Variants in SMOC2 observed in about 807,000 individuals in gnomAD.
SMOC2 encodes the protein SPARC-related modular calcium-binding protein 2.
In SMOC2, 39 loss-of-function variants were observed where a neutral mutation model predicts 61.4. The ratio of observed to expected loss-of-function variants is 0.64; its 90% CI spans 0.49 to 0.83. SMOC2 has a LOEUF of 0.83. Ranked by LOEUF, SMOC2 falls within the 40% of genes least tolerant of loss-of-function variation. SMOC2 has a pLI of 0.00. For missense variants in SMOC2, 556 were observed against 592.9 expected, an observed-to-expected ratio of 0.94 and a Z score of 0.65; for synonymous variants, 247 against 239.9, an observed-to-expected ratio of 1.03 and a Z score of -0.27.
intron 9 of SMOC2, among the ~76,000 whole-genome samples, chr6:168,626,459 GAAGAAA>G (rs1425709152): frequency 2.0e-5 from 3 of 152,200 alleles, no homozygotes; most frequent in Non-Finnish European, 4.4e-5. Flanking sequence ...TATGTTTTAT[GAAGAAA>G]TCAGAATCCA....
chr6:168,643,902 T>C (rs566822489), intron 9 of SMOC2, among the ~76,000 whole-genome samples: 13 of 152,254 alleles, frequency 8.5e-5, no homozygotes, highest in African/African-American at 3.1e-4. Flanking sequence ...GCCCCACGCG[T>C]AGATCAGACA....
At chr6:168,564,889 G>A (rs1295896595) in intron 7 of SMOC2, among the ~76,000 whole-genome samples, 1 of 152,242 alleles carries the variant, frequency 6.6e-6, no homozygotes, top group African/African-American at 2.4e-5. Flanking sequence ...CCTGGACCTG[G>A]AGGGGTAGGA....
intron 9 of SMOC2, among the ~76,000 whole-genome samples, chr6:168,648,938 C>T (rs903407252): frequency 2.0e-5 from 3 of 152,232 alleles, no homozygotes; most frequent in South Asian, 2.1e-4. Context: ...GTCCACACCA[C>T]GGCCACATGG....
intron 1 of SMOC2, among the ~76,000 whole-genome samples, chr6:168,504,818 C>T (rs147226558): frequency 1.2e-4 from 19 of 152,274 alleles, no homozygotes; most frequent in African/African-American, 3.6e-4. Flanking sequence ...ATGCCTTTTA[C>T]AGAGAGGGGT....
intron 11 of SMOC2, among the ~76,000 whole-genome samples, chr6:168,659,072 G>GGC (rs1787407077): frequency 4.3e-5 from 1 of 23,300 alleles, no homozygotes; most frequent in African/African-American, 1.5e-4. Context: ...GTGTGTGAGT[G>GGC]GTGTGTATGT....
At chr6:168,497,604 G>A (rs1360926240) in intron 1 of SMOC2, among the ~76,000 whole-genome samples, 2 of 152,138 alleles carry the variant, frequency 1.3e-5, no homozygotes, top group African/African-American at 4.8e-5. Flanking sequence ...GGGAGCAAGA[G>A]GCCTGCCCCC....
chr6:168,599,216 A>ACACACACTCATACCCG (rs1785426093), intron 8 of SMOC2, among the ~76,000 whole-genome samples: 3 of 135,158 alleles, frequency 2.2e-5, no homozygotes, highest in Non-Finnish European at 4.7e-5. Flanking sequence ...ACTCATACCC[A>ACACACACTCATACCCG]CACACACCCA....
At chr6:168,563,755 A>C (rs920091309) in intron 7 of SMOC2, among the ~76,000 whole-genome samples, 2 of 152,328 alleles carry the variant, frequency 1.3e-5, no homozygotes, top group South Asian at 4.1e-4. Flanking sequence ...CAGAACCTTG[A>C]TCTTGAGCTT....
chr6:168,557,839 G>T (rs538746799), intron 7 of SMOC2, among the ~76,000 whole-genome samples: 2 of 152,372 alleles, frequency 1.3e-5, no homozygotes, highest in African/African-American at 4.8e-5. Flanking sequence ...CTGATTCTTA[G>T]AATAGCCATG....
At chr6:168,637,214 G>C (rs879259985) in intron 9 of SMOC2, among the ~76,000 whole-genome samples, 1 of 152,158 alleles carries the variant, frequency 6.6e-6, no homozygotes, top group Non-Finnish European at 1.5e-5. Flanking sequence ...GAAAAAGAAA[G>C]TGTGAATGAA....
At chr6:168,446,134 G>A (rs1023586448) in intron 1 of SMOC2, among the ~76,000 whole-genome samples, 13 of 152,214 alleles carry the variant, frequency 8.5e-5, no homozygotes, top group South Asian at 6.2e-4. Flanking sequence ...AAGCCAAGGC[G>A]GGTGGATCAT....
chr6:168,648,113 T>A (rs1307811944), intron 9 of SMOC2, among the ~76,000 whole-genome samples: 1 of 152,204 alleles, frequency 6.6e-6, no homozygotes, highest in African/African-American at 2.4e-5. Context: ...ACACCAAATA[T>A]CCACATAATT....
intron 9 of SMOC2, among the ~76,000 whole-genome samples, chr6:168,615,184 CACCTACAGCCAGCACAGGGCCTCTTTAT>C (rs1786038263): frequency 4.3e-5 from 1 of 23,162 alleles, no homozygotes; most frequent in Non-Finnish European, 8.1e-5. Flanking sequence ...GGCCTCTTCA[CACCTACAGCCAGCACAGGGCCTCTTTAT>C]ACCTACAGCC....
intron 4 of SMOC2, among the ~76,000 whole-genome samples, chr6:168,529,244 A>G (rs763799716): frequency 1.8e-4 from 27 of 152,202 alleles, no homozygotes; most frequent in Non-Finnish European, 2.9e-4. Flanking sequence ...GTTTGGTCCA[A>G]GGAATGGACT....
intron 7 of SMOC2, among the ~76,000 whole-genome samples, chr6:168,576,578 C>T (rs2115151247): frequency 6.6e-6 from 1 of 152,170 alleles, no homozygotes; most frequent in South Asian, 2.1e-4. Flanking sequence ...GCTGGTCTAA[C>T]AGCAGGGACA....
intron 9 of SMOC2, among the ~76,000 whole-genome samples, chr6:168,645,643 G>T (rs529932569): frequency 2.0e-5 from 3 of 152,310 alleles, no homozygotes; most frequent in Admixed American, 2.0e-4. Context: ...GATAGCATTT[G>T]ACTGCCACCT....
At chr6:168,662,014 C>T (rs1345228658) in intron 11 of SMOC2, among the ~76,000 whole-genome samples, 2 of 152,136 alleles carry the variant, frequency 1.3e-5, no homozygotes, top group South Asian at 2.1e-4. Flanking sequence ...TTTCTATTTG[C>T]GTTATGGCAA....
chr6:168,449,062 G>A (rs1302508575), intron 1 of SMOC2, among the ~76,000 whole-genome samples: 2 of 152,022 alleles, frequency 1.3e-5, no homozygotes, highest in Non-Finnish European at 2.9e-5. Flanking sequence ...CGCTCACATG[G>A]AACCACATTT....
chr6:168,655,901 T>A (rs1185919385), intron 11 of SMOC2, among the ~76,000 whole-genome samples: 1 of 151,900 alleles, frequency 6.6e-6, no homozygotes, highest in Non-Finnish European at 1.5e-5. Flanking sequence ...GTGTGCTAGA[T>A]CCCACTGTAC....
Sources: gnomAD v4.1 joint callset for allele counts (sites outside exome capture counted in the v4.1 genomes callset) on GRCh38, gnomAD v4.1.1 for gene constraint, MANE v1.5 for transcripts, NCBI Gene and HGNC (gene_info 2026-07-23, HGNC 2026-07-21) for gene names.